Variants in PLD5 observed in about 807,000 individuals in gnomAD.
PLD5 encodes phospholipase D family member 5.
Under a neutral mutation model 61.1 loss-of-function variants are expected in PLD5, and 36 were observed. The observed-to-expected ratio is 0.59, with a 90% CI of 0.45 to 0.78. The LOEUF (loss-of-function observed/expected upper bound fraction) is 0.78, where lower values mean the gene tolerates loss of function less well. Among genes scored for constraint, PLD5 ranks in the 30% least tolerant of loss-of-function variants. The probability of loss-of-function intolerance (pLI) is 0.00; values close to 1 mark genes in which losing one functional copy is unlikely to be tolerated. For synonymous variants in PLD5, 243 were observed against 242.8 expected (o/e 1.00, Z -0.01); for missense variants, 515 against 644.4 (o/e 0.80, Z 2.17).
rs57580635 is a variant in PLD5 at position 242,391,155 on chromosome 1, A to C, written c.190-42913T>G. ...GCTTGCAGTGAGCCGAGATTGCACC[A>C]CTGCACTCCAGCCTGGGTGAGAGAG... On this transcript the variant is annotated intron_variant, in intron 1 of 9. Transcript: ENST00000536534. Among the ~76,000 whole-genome samples the C allele has an allele frequency of 7.7e-3, 1,180 of 152,330 alleles. 10 individuals carry two copies. Among genetic ancestry groups the C allele is most frequent in the African/African-American group, 0.027 (1,128 of 41,584 alleles).
intron 5 of PLD5, among the ~76,000 whole-genome samples, chr1:242,176,374 G>C (rs1667146532): frequency 6.6e-6 from 1 of 152,142 alleles, no homozygotes; most frequent in Admixed American, 6.5e-5. Context: ...GGGGAAACTG[G>C]CTAGCCATAT....
At chr1:242,432,348 C>T (rs1403862626) in intron 1 of PLD5, among the ~76,000 whole-genome samples, 1 of 152,198 alleles carries the variant, frequency 6.6e-6, no homozygotes, top group Non-Finnish European at 1.5e-5. Context: ...TATTGGAAAT[C>T]AAAGGAGAAA....
At chr1:242,335,374 T>C (rs182072329) in intron 2 of PLD5, among the ~76,000 whole-genome samples, 53 of 152,336 alleles carry the variant, frequency 3.5e-4, no homozygotes, top group African/African-American at 1.3e-3. Context: ...TAACACCAAA[T>C]AATATCCAAA....
intron 5 of PLD5, among the ~76,000 whole-genome samples, chr1:242,129,285 A>G (rs1317043012): frequency 1.3e-5 from 2 of 152,226 alleles, no homozygotes; most frequent in African/African-American, 2.4e-5. Context: ...TTACAGCTTT[A>G]GGACCTGGAG....
At chr1:242,115,786 G>A (rs543473474) in intron 6 of PLD5, among the ~76,000 whole-genome samples, 75 of 152,260 alleles carry the variant, frequency 4.9e-4, no homozygotes, top group African/African-American at 1.6e-3. Flanking sequence ...TTAAGATGCC[G>A]AAATTCAGCA....
chr1:242,290,275 A>AAGAGGAAGCTGGGCTTGAAATCT (rs1675279387), intron 2 of PLD5, among the ~76,000 whole-genome samples: 2 of 61,332 alleles, frequency 3.3e-5, no homozygotes, highest in Non-Finnish European at 7.0e-5. Flanking sequence ...GGGGACATCT[A>AAGAGGAAGCTGGGCTTGAAATCT]GGAGGAAGCT....
intron 5 of PLD5, among the ~76,000 whole-genome samples, chr1:242,173,680 G>A: frequency 6.6e-6 from 1 of 152,152 alleles, no homozygotes; most frequent in East Asian, 1.9e-4. Flanking sequence ...AATCAGCATG[G>A]TACTGGTACC....
At position 242,270,795 on chromosome 1, in the gene PLD5, T is replaced by C. The variant is rs572648454; in HGVS notation, c.496-5347A>G. On this transcript the variant is annotated intron_variant, in intron 3 of 9. Coordinates refer to ENST00000536534, the MANE Select transcript of PLD5 (RefSeq NM_001372062.1). ...GGGTATATGAGGGGAGAGGCCTCCT[T>C]TGGTTGCCCCAGTGGGGAACTAGTA... Among the ~76,000 whole-genome samples, 302 of 152,312 alleles carry C rather than the reference T, an allele frequency of 2.0e-3. 2 individuals carry two copies. Among genetic ancestry groups the C allele is most frequent in the Non-Finnish European group, 2.5e-3 (170 of 68,030 alleles).
chr1:242,177,073 G>A (rs1667199266), intron 5 of PLD5, among the ~76,000 whole-genome samples: 1 of 152,036 alleles, frequency 6.6e-6, no homozygotes. Context: ...TCCCATTACT[G>A]GATATATACC....
rs527256496 is a variant in PLD5 at position 242,518,931 on chromosome 1, C to T, written c.189+5157G>A. 2.0e-5 allele frequency among the ~76,000 whole-genome samples: 3 copies of T among 151,326 alleles called. No individual in the cohort carries two copies. In the South Asian group the frequency reaches 6.3e-4, roughly 32 times the overall value. On this transcript the variant is annotated intron_variant, in intron 1 of 9. Coordinates refer to ENST00000536534, the MANE Select transcript of PLD5 (RefSeq NM_001372062.1). ...ACAGTGATGGACATGCCCTGAGATC[C>T]ACTGGAAGACACTCATGAGACATCT... is the stretch of plus-strand genomic sequence containing the variant.
At chr1:242,525,062 C>A (rs1289647970), upstream of PLD5, among the ~76,000 whole-genome samples, 1 of 151,944 alleles carries the variant, frequency 6.6e-6, no homozygotes, top group African/African-American at 2.4e-5. Flanking sequence ...TCACCCTGCC[C>A]CCGGCTCGCT....
intron 5 of PLD5, among the ~76,000 whole-genome samples, chr1:242,219,070 G>C (rs1383182886): frequency 6.6e-6 from 1 of 152,128 alleles, no homozygotes; most frequent in Non-Finnish European, 1.5e-5. Context: ...GATAACATAG[G>C]TTTAACTCTT....
chr1:242,380,816 A>G (rs1425177528), intron 1 of PLD5, among the ~76,000 whole-genome samples: 3 of 152,212 alleles, frequency 2.0e-5, no homozygotes, highest in Non-Finnish European at 2.9e-5. Flanking sequence ...ATCACTGATC[A>G]TTAGAGAAAT....
intron 2 of PLD5, among the ~76,000 whole-genome samples, chr1:242,324,511 G>T (rs1179351943): frequency 6.6e-6 from 1 of 152,152 alleles, no homozygotes; most frequent in African/African-American, 2.4e-5. Flanking sequence ...CCTGGGTGTA[G>T]GTTGAACTAA....
chr1:242,436,303 G>C (rs760388965), intron 1 of PLD5, among the ~76,000 whole-genome samples: 3 of 151,948 alleles, frequency 2.0e-5, no homozygotes, highest in Non-Finnish European at 4.4e-5. Flanking sequence ...ATTCCACTTG[G>C]AAAGGCAATC....
chr1:242,373,801 GCA>G (rs1484952046), intron 1 of PLD5, among the ~76,000 whole-genome samples: 1 of 152,052 alleles, frequency 6.6e-6, no homozygotes, highest in East Asian at 1.9e-4. Context: ...GGCCTGTTGT[GCA>G]GTGGGGGGAG....
chr1:242,348,802 C>T (rs1443694541), intron 1 of PLD5, among the ~76,000 whole-genome samples: 1 of 152,136 alleles, frequency 6.6e-6, no homozygotes, highest in Non-Finnish European at 1.5e-5. Context: ...TGCCTGTAAT[C>T]CTAGCACTTT....
At chr1:242,424,673 G>A (rs1373296126) in intron 1 of PLD5, among the ~76,000 whole-genome samples, 3 of 152,096 alleles carry the variant, frequency 2.0e-5, no homozygotes, top group Non-Finnish European at 2.9e-5. Flanking sequence ...CACTGTCATG[G>A]CCTTCGTTTA....
chr1:242,474,960 A>C (rs1206113896), intron 1 of PLD5, among the ~76,000 whole-genome samples: 1 of 152,198 alleles, frequency 6.6e-6, no homozygotes, highest in African/African-American at 2.4e-5. Flanking sequence ...TATTGTCCAT[A>C]ATTTATGAGC....
Sources: allele counts gnomAD v4.1 joint callset (sites outside exome capture counted in the v4.1 genomes callset), GRCh38; gene constraint gnomAD v4.1.1; transcripts MANE v1.5; gene names NCBI Gene and HGNC (gene_info 2026-07-23, HGNC 2026-07-21).